Variants in IL31RA observed in about 807,000 individuals in gnomAD.
The protein encoded by IL31RA is interleukin 31 receptor A, also known as interleukin-31 receptor subunit alpha.
A neutral mutation model predicts 83.7 loss-of-function variants in IL31RA; 66 were observed. The ratio of observed to expected loss-of-function variants is 0.79; its 90% CI spans 0.65 to 0.97. IL31RA has a LOEUF of 0.97. Ranked by LOEUF, IL31RA falls within the 50% of genes least tolerant of loss-of-function variation. IL31RA has a pLI of 0.00. For synonymous variants in IL31RA, 325 were observed against 329.0 expected (o/e 0.99, Z 0.13); for missense variants, 798 against 919.4 (o/e 0.87, Z 1.71).
Position 55,922,533 on chromosome 5 carries a change from G to A in IL31RA, c.*5413G>A, listed in dbSNP as rs1750142295. The A allele has an allele frequency of 5.9e-6, 6 of 1,021,784 alleles. No homozygotes were observed. The highest frequency in any genetic ancestry group is 8.8e-6 in the Non-Finnish European group (6 of 682,530). 63.3% of individuals were successfully genotyped at this position (1,021,784 alleles called of 1,614,324 possible). A position where few individuals can be genotyped will look rare whatever the true frequency, so the allele number is the denominator to read the frequency against. ...GAAGACTGAATCTGTGGCCCCAAGA[G>A]AACCATCTCTGAAGACTGGGTATGT... is the stretch of plus-strand genomic sequence containing the variant. On this transcript the variant is annotated 3_prime_UTR_variant, in exon 15 of 15. Transcript: ENST00000652347.
rs187532341 is a variant in IL31RA, at chr5:55,878,993, C to G, written c.455-4051C>G. 3.9e-5 allele frequency among the ~76,000 whole-genome samples: 6 copies of G among 152,184 alleles called. No homozygotes were observed. In the East Asian group the frequency reaches 1.2e-3, roughly 29 times the overall value. On this transcript the variant is annotated intron_variant, in intron 4 of 14. Transcript: ENST00000652347. ...GTCTTAATTTCCCAAAGAGTCTTAC[C>G]CAGTTTCTCCTTATGATTTTATATA...
upstream of IL31RA, among the ~76,000 whole-genome samples, chr5:55,848,698 G>A (rs761778740): frequency 9.9e-5 from 15 of 152,012 alleles, no homozygotes; most frequent in East Asian, 7.7e-4. Flanking sequence ...TGGAATTCCC[G>A]GATTAAAGGC....
chr5:55,886,700 C>G (rs1006487964), intron 5 of IL31RA, among the ~76,000 whole-genome samples: 3 of 152,220 alleles, frequency 2.0e-5, no homozygotes, highest in Non-Finnish European at 2.9e-5. Flanking sequence ...ATTATTAACT[C>G]TGTGAGACCT....
the IL31RA span, among the ~76,000 whole-genome samples, chr5:55,845,016 G>A: frequency 6.6e-6 from 1 of 152,010 alleles, no homozygotes; most frequent in Non-Finnish European, 1.5e-5. Flanking sequence ...CTTGCAAATT[G>A]TCTACTTTTT....
At chr5:55,878,691 T>C (rs1747007442) in intron 4 of IL31RA, among the ~76,000 whole-genome samples, 1 of 152,176 alleles carries the variant, frequency 6.6e-6, no homozygotes, top group Admixed American at 6.5e-5. Flanking sequence ...TCTGGCTCTG[T>C]TGCCCAGGCT....
In IL31RA at chr5:55,883,954, A is replaced by G. The variant is rs188132930; in HGVS notation, c.606+759A>G. 2.0e-5 allele frequency among the ~76,000 whole-genome samples: 3 copies of G among 152,296 alleles called. No homozygotes were observed. In the East Asian group the frequency reaches 5.8e-4, roughly 29 times the overall value. On this transcript the variant is annotated intron_variant, in intron 5 of 14. Transcript: ENST00000652347. ...TGCTATATAATGCTGTAGTTTATACATTTTCATTGCTGTGTAGTATCTCAT... is the reference window on the plus strand; with the variant it reads ...TGCTATATAATGCTGTAGTTTATACGTTTTCATTGCTGTGTAGTATCTCAT...
chr5:55,860,597 C>T (rs184003738), intron 2 of IL31RA, among the ~76,000 whole-genome samples: 1 of 152,284 alleles, frequency 6.6e-6, no homozygotes, highest in African/African-American at 2.4e-5. Flanking sequence ...AAGCAGTTTT[C>T]ATACTATTTG....
intron 6 of IL31RA, among the ~76,000 whole-genome samples, chr5:55,893,657 ACAG>A (rs1264576012): frequency 2.0e-5 from 3 of 152,140 alleles, no homozygotes; most frequent in Non-Finnish European, 4.4e-5. Flanking sequence ...AGTTTCACTA[ACAG>A]CTGCATCTGT....
At chr5:55,890,171 C>T in intron 6 of IL31RA, 36 bp downstream of exon 6, 4 of 1,606,468 alleles carry the variant, frequency 2.5e-6, no homozygotes, top group Non-Finnish European at 3.4e-6. Context: ...CCTGTCTGCT[C>T]TGGTGTAGGG....
intron 7 of IL31RA, among the ~76,000 whole-genome samples, chr5:55,899,401 C>A (rs772107736): frequency 6.6e-6 from 1 of 152,172 alleles, no homozygotes; most frequent in East Asian, 1.9e-4. Flanking sequence ...ACTGGCAGTG[C>A]GGCCCTCTTA....
At chr5:55,873,095 T>C (rs1462532616) in intron 4 of IL31RA, among the ~76,000 whole-genome samples, 1 of 152,180 alleles carries the variant, frequency 6.6e-6, no homozygotes, top group African/African-American at 2.4e-5. Context: ...TCCTCCATTC[T>C]CTGGCAACCA....
At chr5:55,867,298 TGTGTGC>T (rs1294373457) in intron 2 of IL31RA, among the ~76,000 whole-genome samples, 6,900 of 102,290 alleles carry the variant, frequency 0.067, 559 homozygotes, top group African/African-American at 0.21. Flanking sequence ...TGCATGTGTG[TGTGTGC>T]GTGTGTGTGT....
intron 6 of IL31RA, among the ~76,000 whole-genome samples, chr5:55,895,828 C>T (rs920558350): frequency 4.6e-5 from 7 of 152,128 alleles, no homozygotes; most frequent in South Asian, 2.1e-4. Context: ...GGAAAACCAG[C>T]GTTAAATTTA....
the IL31RA span, among the ~76,000 whole-genome samples, chr5:55,845,178 G>A: frequency 1.3e-5 from 2 of 152,102 alleles, no homozygotes; most frequent in Non-Finnish European, 2.9e-5. Flanking sequence ...ACATTTTGTT[G>A]AAAGGTGAAC....
upstream of IL31RA, among the ~76,000 whole-genome samples, chr5:55,846,365 T>C (rs1744928782): frequency 1.3e-5 from 2 of 152,218 alleles, no homozygotes; most frequent in African/African-American, 4.8e-5. Flanking sequence ...TATTGTTTGG[T>C]TCTCTGCCTT....
intron 11 of IL31RA, among the ~76,000 whole-genome samples, chr5:55,909,954 C>G (rs1340780139): frequency 6.6e-6 from 1 of 152,166 alleles, no homozygotes; most frequent in Non-Finnish European, 1.5e-5. Flanking sequence ...TCTGCCTGCC[C>G]CAGCTTCCCA....
chr5:55,914,964 C>T (rs968999707), intron 14 of IL31RA, 36 bp downstream of exon 14: 19 of 1,477,356 alleles, frequency 1.3e-5, no homozygotes, highest in Admixed American at 1.7e-5. Context: ...AAATCATTGC[C>T]GTGGGAGGTA....
At position 55,922,584 on chromosome 5, in the gene IL31RA, A is replaced by G. The variant is rs7700525; in HGVS notation, c.*5464A>G. On this transcript the variant is annotated 3_prime_UTR_variant, in exon 15 of 15. Transcript: ENST00000652347. ...GGTCTTTTCCACACATGGACCACCT[A>G]CGGATGCAATCTGTAATGCATGTGC... The G allele has an allele frequency of 0.04, 25,068 of 624,128 alleles. 2,980 individuals are homozygous for G. Among genetic ancestry groups the G allele is most frequent in the African/African-American group, 0.32 (17,150 of 54,156 alleles). 38.7% of individuals were successfully genotyped at this position (624,128 alleles called of 1,614,324 possible). A position where few individuals can be genotyped will look rare whatever the true frequency, so the allele number is the denominator to read the frequency against.
intron 9 of IL31RA, among the ~76,000 whole-genome samples, chr5:55,906,551 T>G (rs1348742879): frequency 2.0e-5 from 3 of 152,160 alleles, no homozygotes; most frequent in African/African-American, 7.2e-5. Context: ...CAGAGAGTCC[T>G]TCCCGGATAG....
Sources: allele counts gnomAD v4.1 joint callset (sites outside exome capture counted in the v4.1 genomes callset), GRCh38; gene constraint gnomAD v4.1.1; transcripts MANE v1.5; gene names NCBI Gene and HGNC (gene_info 2026-07-23, HGNC 2026-07-21).